LRRC66: variants seen among roughly 807,000 people sequenced by gnomAD.
The protein encoded by LRRC66 is leucine rich repeat containing 66, also known as leucine-rich repeat-containing protein 66.
In LRRC66, 29 loss-of-function variants were observed where a neutral mutation model predicts 24.6. The observed-to-expected ratio is 1.18, with a 90% CI of 0.88 to 1.61. The LOEUF (loss-of-function observed/expected upper bound fraction) is 1.61, where lower values mean the gene tolerates loss of function less well. Ranked by LOEUF, LRRC66 falls within the 40% of genes most tolerant of loss-of-function variation. The probability of loss-of-function intolerance (pLI) is 0.00; values close to 1 mark genes in which losing one functional copy is unlikely to be tolerated. For synonymous variants in LRRC66, 411 were observed against 397.6 expected (o/e 1.03, Z -0.40); for missense variants, 1,124 against 1,058.0 (o/e 1.06, Z -0.87).
At chr4:52,018,395 T>G in intron 1 of LRRC66, 1 of 984,952 alleles carries the variant, frequency 1.0e-6, no homozygotes, top group Admixed American at 6.1e-5. Context: ...TGGGTAATTT[T>G]TGTGATTTGT....
intron 4 of LRRC66, among the ~76,000 whole-genome samples, chr4:51,997,032 T>C (rs1432632573): frequency 6.6e-6 from 1 of 152,250 alleles, no homozygotes; most frequent in Non-Finnish European, 1.5e-5. Flanking sequence ...CTGGTAGGCA[T>C]GGCCATGTTC....
Position 51,995,426 on chromosome 4 carries a change from A to T in LRRC66, c.1596T>A (p.Asp532Glu), listed in dbSNP as rs1299088710. Residue 532 changes from aspartate to glutamate, a missense_variant, in exon 5 of 5, where the codon GAT (aspartate) becomes GAA (glutamate). Coordinates refer to ENST00000682860, the MANE Select transcript of LRRC66 (RefSeq NM_001024611.3). ...SAAQDHIHRNDILGEWTYETV... is the reference protein window; with the variant it reads ...SAAQDHIHRNEILGEWTYETV... Reference sequence around the variant, plus strand: ...TTTCATAAGTCCATTCTCCGAGAATATCATTCCTATGGATGTGGTCCTGCG... The same window carrying T: ...TTTCATAAGTCCATTCTCCGAGAATTTCATTCCTATGGATGTGGTCCTGCG... 2 of 1,614,090 alleles carry T rather than the reference A, an allele frequency of 1.2e-6. No homozygotes were observed. The highest frequency in any genetic ancestry group is 1.7e-6 in the Non-Finnish European group (2 of 1,180,054).
chr4:52,005,089 G>A (rs1277538224), intron 2 of LRRC66, among the ~76,000 whole-genome samples: 1 of 152,206 alleles, frequency 6.6e-6, no homozygotes, highest in Non-Finnish European at 1.5e-5. Context: ...TTTTTGCAGT[G>A]TTTGATAGAA....
Position 52,017,556 on chromosome 4 carries a change from T to C in LRRC66, c.58A>G (p.Ile20Val). Residue 20 changes from isoleucine (I) to valine (V), a missense_variant, in exon 2 of 5, where the codon ATA becomes GTA. Physicochemically the swap from Ile to Val is conservative, Grantham distance 29. Transcript: ENST00000682860. The stretch of plus-strand genomic sequence containing the variant: ...CTTTTTCTTGATGCATTTGTCATTA[T>C]TCCAGTAAAATAAAGACCTATAACT... ...TIVIGLYFTG[I>V]MTNASRKSNI... is the part of the protein sequence containing the mutation. The C allele has an allele frequency of 6.2e-7, 1 of 1,609,568 alleles. No individual in the cohort carries two copies. Among genetic ancestry groups the C allele is most frequent in the Non-Finnish European group, 8.5e-7 (1 of 1,178,544 alleles).
chr4:52,012,666 A>G (rs1284165880), intron 2 of LRRC66, among the ~76,000 whole-genome samples: 1 of 152,206 alleles, frequency 6.6e-6, no homozygotes, highest in Non-Finnish European at 1.5e-5. Context: ...CATCAGGGGT[A>G]CATTTTATAC....
intron 2 of LRRC66, among the ~76,000 whole-genome samples, chr4:52,013,105 C>T (rs1354130141): frequency 1.3e-5 from 2 of 152,156 alleles, no homozygotes; most frequent in African/African-American, 2.4e-5. Flanking sequence ...AAGGCCTTGC[C>T]TTCTTAGTTT....
At chr4:51,996,245 T>G in intron 4 of LRRC66, 80 bp from the exon 5 acceptor site, 3 of 1,368,042 alleles carry the variant, frequency 2.2e-6, no homozygotes, top group Non-Finnish European at 3.0e-6. Flanking sequence ...TTTACAGAAT[T>G]GAAAAAAATT....
At chr4:52,003,725 TAG>T (rs1330953859) in intron 2 of LRRC66, among the ~76,000 whole-genome samples, 1 of 152,178 alleles carries the variant, frequency 6.6e-6, no homozygotes, top group Non-Finnish European at 1.5e-5. Context: ...TACTAACAGT[TAG>T]AGTTAGGACT....
Position 52,003,393 on chromosome 4 carries a change from CTGTT to C in LRRC66, c.497-5_497-2del. The C allele has an allele frequency of 6.2e-7, 1 of 1,606,492 alleles. No individual in the cohort carries two copies. Among genetic ancestry groups the C allele is most frequent in the Non-Finnish European group, 8.5e-7 (1 of 1,177,170 alleles). ...TGCAATGACTTCAGTTTCCACAGTC[CTGTT>C]AAAATGAAAAAGTAAGTTGAAATCT... On this transcript the variant is annotated splice_acceptor_variant and splice_polypyrimidine_tract_variant and intron_variant, in intron 2 of 4. Coordinates refer to ENST00000682860, the MANE Select transcript of LRRC66 (RefSeq NM_001024611.3). LOFTEE classifies it high-confidence loss of function.
chr4:52,014,266 C>CA (rs1286109571), intron 2 of LRRC66, among the ~76,000 whole-genome samples: 9 of 151,646 alleles, frequency 5.9e-5, no homozygotes, highest in East Asian at 1.9e-4. Flanking sequence ...AAACAAAAAA[C>CA]AAAAAAAACC....
intron 2 of LRRC66, among the ~76,000 whole-genome samples, chr4:52,007,535 T>C (rs1438682039): frequency 1.3e-5 from 2 of 152,170 alleles, no homozygotes; most frequent in African/African-American, 4.8e-5. Flanking sequence ...AAGGCCTCCA[T>C]GCTTGTTACA....
In LRRC66 at chr4:51,997,682, A is replaced by C. The variant is rs1047693271; in HGVS notation, c.856+66T>G. ...TGGGGACTGTCATTATTTCAAAAAG[A>C]CTAAAATGTCTATGTGCATTTTTCA... On this transcript the variant is annotated intron_variant, in intron 4 of 4. Coordinates refer to ENST00000682860, the MANE Select transcript of LRRC66 (RefSeq NM_001024611.3). 4.2e-6 allele frequency: 6 copies of C among 1,421,916 alleles called. No homozygotes were observed. The Admixed American group carries it at 7.3e-5, about 17-fold the overall frequency. 88.1% of individuals were successfully genotyped at this position (1,421,916 alleles called of 1,614,324 possible). A position where few individuals can be genotyped will look rare whatever the true frequency, so the allele number is the denominator to read the frequency against.
intron 2 of LRRC66, among the ~76,000 whole-genome samples, chr4:52,015,133 A>T (rs2110203262): frequency 6.6e-6 from 1 of 152,252 alleles, no homozygotes; most frequent in African/African-American, 2.4e-5. Context: ...ATATTTTGAC[A>T]TGTTAATCTC....
At chr4:52,012,312 T>A (rs754759527) in intron 2 of LRRC66, among the ~76,000 whole-genome samples, 10 of 152,190 alleles carry the variant, frequency 6.6e-5, no homozygotes, top group Non-Finnish European at 1.5e-4. Context: ...ACTCCCCTCA[T>A]AATATCAAGC....
intron 2 of LRRC66, among the ~76,000 whole-genome samples, chr4:52,004,726 G>T (rs923308043): frequency 2.0e-5 from 3 of 152,132 alleles, no homozygotes; most frequent in Non-Finnish European, 4.4e-5. Context: ...GGTACTTATT[G>T]TAAGATTGAT....
chr4:51,996,153 GCCT>G lies in LRRC66; in HGVS notation c.866_868del (p.Glu289del). 1 of 1,609,946 alleles carries G rather than the reference GCCT, an allele frequency of 6.2e-7. No individual in the cohort carries two copies. ...CCTGCTCTGGGGAGTGCCCCCGTTG[GCCT>G]CCTCACTCCCTGCAAGTGGGATTAA... On this transcript the variant is annotated inframe_deletion, in exon 5 of 5. Coordinates refer to ENST00000682860, the MANE Select transcript of LRRC66 (RefSeq NM_001024611.3).
intron 2 of LRRC66, among the ~76,000 whole-genome samples, chr4:52,014,365 C>T (rs1290876716): frequency 6.6e-6 from 1 of 152,122 alleles, no homozygotes; most frequent in African/African-American, 2.4e-5. Context: ...CTAGTATTTG[C>T]AAGGTAAATC....
At chr4:52,017,962 C>T in intron 1 of LRRC66, 3 of 985,446 alleles carry the variant, frequency 3.0e-6, no homozygotes, top group Non-Finnish European at 3.6e-6. Context: ...TTAAAGACTT[C>T]CCTGTTTCTT....
chr4:52,015,201 C>T (rs1293888839), intron 2 of LRRC66, among the ~76,000 whole-genome samples: 1 of 152,110 alleles, frequency 6.6e-6, no homozygotes, highest in East Asian at 1.9e-4. Context: ...AAGTAGGCTC[C>T]ACGTTCATTG....
Sources: allele counts gnomAD v4.1 joint callset (sites outside exome capture counted in the v4.1 genomes callset), GRCh38; gene constraint gnomAD v4.1.1; transcripts MANE v1.5; gene names NCBI Gene and HGNC (gene_info 2026-07-23, HGNC 2026-07-21).